WFDC1: variants seen among roughly 807,000 people sequenced by gnomAD.
The protein encoded by WFDC1 is WAP four-disulfide core domain 1, also known as WAP four-disulfide core domain protein 1.
A neutral mutation model predicts 32.9 loss-of-function variants in WFDC1; 39 were observed. That is an observed-to-expected ratio of 1.19 (90% CI 0.92 to 1.55). The LOEUF (loss-of-function observed/expected upper bound fraction) is 1.55. WFDC1 is among the 40% of genes most tolerant of loss of function. WFDC1 has a pLI of 0.00. For synonymous variants in WFDC1, 184 were observed against 137.4 expected, an observed-to-expected ratio of 1.34 and a Z score of -2.37; for missense variants, 386 against 309.5, an observed-to-expected ratio of 1.25 and a Z score of -1.85.
chr16:84,299,660 C>T (rs977956226), intron 1 of WFDC1, among the ~76,000 whole-genome samples: 1 of 152,240 alleles, frequency 6.6e-6, no homozygotes, highest in Non-Finnish European at 1.5e-5. Context: ...CCATGGCAGC[C>T]ACCATGCGGG....
intron 1 of WFDC1, among the ~76,000 whole-genome samples, chr16:84,303,566 C>T (rs765077850): frequency 6.6e-6 from 1 of 151,902 alleles, no homozygotes; most frequent in Non-Finnish European, 1.5e-5. Context: ...ACTCTGGTGA[C>T]ATTCTGGGGT....
At chr16:84,323,030 C>G (rs886480856) in intron 4 of WFDC1, among the ~76,000 whole-genome samples, 4 of 152,140 alleles carry the variant, frequency 2.6e-5, no homozygotes, top group African/African-American at 9.7e-5. Flanking sequence ...CCTCTGTCTC[C>G]TTGTGGTGTT....
At chr16:84,320,909 C>G (rs1908271432) in intron 4 of WFDC1, among the ~76,000 whole-genome samples, 1 of 151,906 alleles carries the variant, frequency 6.6e-6, no homozygotes, top group African/African-American at 2.4e-5. Context: ...TGAAGTGTTT[C>G]AAGAAAGGCA....
intron 1 of WFDC1, among the ~76,000 whole-genome samples, chr16:84,297,786 C>A (rs1005682411): frequency 6.6e-6 from 1 of 152,172 alleles, no homozygotes; most frequent in Admixed American, 6.5e-5. Flanking sequence ...GGACCACTCG[C>A]TGCCCTTCTC....
chr16:84,306,044 A>AATAAT (rs1409274133), intron 1 of WFDC1, among the ~76,000 whole-genome samples: 1 of 139,222 alleles, frequency 7.2e-6, no homozygotes, highest in African/African-American at 2.9e-5. Flanking sequence ...TAATAATAAT[A>AATAAT]ATAAAAGGAA....
At chr16:84,314,019 G>A (rs981744554) in intron 2 of WFDC1, among the ~76,000 whole-genome samples, 5 of 150,336 alleles carry the variant, frequency 3.3e-5, no homozygotes, top group Non-Finnish European at 5.9e-5. Flanking sequence ...TCCAGCGTGG[G>A]TGACAAAGTG....
chr16:84,310,989 C>A (rs1907582058), intron 1 of WFDC1, among the ~76,000 whole-genome samples: 1 of 152,154 alleles, frequency 6.6e-6, no homozygotes, highest in Non-Finnish European at 1.5e-5. Flanking sequence ...GGCCAGGAGG[C>A]AGCGCAAGCC....
chr16:84,318,466 T>A lies in WFDC1; in HGVS notation c.421+111T>A, dbSNP rs1401065024. The A allele has an allele frequency of 6.1e-6, 6 of 985,250 alleles. No homozygotes were observed. The African/African-American group carries it at 8.0e-5, about 13-fold the overall frequency. The allele number at this position is 985,250 out of a possible 1,614,324, so 61.0% of individuals were successfully genotyped here. ...CGGCTGTCCCCCATGCACGGGCCCT[T>A]CAGCCAAACACTCAGCCCTCTTTGA... On this transcript the variant is annotated intron_variant, in intron 3 of 6. Coordinates refer to ENST00000219454, the MANE Select transcript of WFDC1 (RefSeq NM_021197.4).
chr16:84,302,332 C>A (rs912910459), intron 1 of WFDC1, among the ~76,000 whole-genome samples: 1 of 152,166 alleles, frequency 6.6e-6, no homozygotes, highest in Non-Finnish European at 1.5e-5. Flanking sequence ...CGCCAACTCG[C>A]ACACTTAAGA....
At chr16:84,310,031 G>A (rs1162339605) in intron 1 of WFDC1, among the ~76,000 whole-genome samples, 1 of 152,260 alleles carries the variant, frequency 6.6e-6, no homozygotes, top group Non-Finnish European at 1.5e-5. Flanking sequence ...AGGATTCCAG[G>A]GAGTAGGGCC....
At chr16:84,314,088 A>AC (rs1419605502) in intron 2 of WFDC1, among the ~76,000 whole-genome samples, 2 of 152,114 alleles carry the variant, frequency 1.3e-5, no homozygotes, top group Non-Finnish European at 2.9e-5. Context: ...CGTGCAGCTC[A>AC]CGGTGGACCT....
intron 1 of WFDC1, among the ~76,000 whole-genome samples, chr16:84,312,119 C>T (rs575239799): frequency 6.6e-6 from 1 of 152,116 alleles, no homozygotes; most frequent in Non-Finnish European, 1.5e-5. Context: ...GAGCTGAGAT[C>T]GCGCCACTGC....
chr16:84,312,520 A>G (rs28494626), intron 1 of WFDC1, among the ~76,000 whole-genome samples: 7 of 152,294 alleles, frequency 4.6e-5, no homozygotes, highest in African/African-American at 1.2e-4. Context: ...TCAAAGCTCT[A>G]TATAAACATG....
intron 1 of WFDC1, among the ~76,000 whole-genome samples, chr16:84,312,707 A>T (rs77863019): frequency 2.0e-5 from 3 of 152,300 alleles, no homozygotes; most frequent in East Asian, 3.9e-4. Flanking sequence ...TCCTTCAGCA[A>T]ACACACCAAG....
rs376845121 is a variant in WFDC1, at chr16:84,312,501, T to C, written c.145-460T>C. 2.0e-5 allele frequency among the ~76,000 whole-genome samples: 3 copies of C among 152,218 alleles called. 1 individual carries two copies. Among genetic ancestry groups the C allele is most frequent in the East Asian group, 1.9e-4 (1 of 5,192 alleles). ...GGATTTAATGATTCTGTGTATAATT[T>C]GTAAATTCTCAAAGCTCTATATAAA... On this transcript the variant is annotated intron_variant, in intron 1 of 6. Coordinates refer to ENST00000219454, the MANE Select transcript of WFDC1 (RefSeq NM_021197.4).
At chr16:84,319,098 TG>T in intron 3 of WFDC1, 5 of 369,880 alleles carry the variant, frequency 1.4e-5, no homozygotes, top group Non-Finnish European at 2.5e-5. Flanking sequence ...TAAATGTCTG[TG>T]TCCCCATGCG....
intron 4 of WFDC1, among the ~76,000 whole-genome samples, chr16:84,319,871 C>T (rs1057079520): frequency 6.6e-6 from 1 of 152,186 alleles, no homozygotes; most frequent in East Asian, 1.9e-4. Flanking sequence ...GCCTCAGTTT[C>T]CTCATCTGTA....
chr16:84,296,136 A>G (rs1906584274), intron 1 of WFDC1, among the ~76,000 whole-genome samples: 1 of 152,192 alleles, frequency 6.6e-6, no homozygotes, highest in Non-Finnish European at 1.5e-5. Context: ...CCAGGACGAT[A>G]TCAGCACACA....
chr16:84,295,098 C>G lies in WFDC1; in HGVS notation c.127C>G (p.Leu43Val), dbSNP rs753380851. Residue 43 changes from leucine to valine, a missense_variant, in exon 1 of 7, where the codon CTG becomes GTG. Coordinates refer to ENST00000219454, the MANE Select transcript of WFDC1 (RefSeq NM_021197.4). ...CTGGAAACGGGCATTGCCTGCGAGG[C>G]TGGCCGAGAAATCCCGTGTAAGTGC... ...NIWKRALPARLAEKSRAEEAG... is the reference protein window; with the variant it reads ...NIWKRALPARVAEKSRAEEAG... The G allele has an allele frequency of 1.5e-5, 25 of 1,614,016 alleles. No homozygotes were observed. The South Asian group carries it at 2.6e-4, about 17-fold the overall frequency.
Sources: allele counts gnomAD v4.1 joint callset (sites outside exome capture counted in the v4.1 genomes callset), GRCh38; gene constraint gnomAD v4.1.1; transcripts MANE v1.5; gene names NCBI Gene and HGNC (gene_info 2026-07-23, HGNC 2026-07-21).